The following VOPP1 variants were observed in gnomAD, a reference collection of about 807,000 sequenced individuals.
The protein encoded by VOPP1 is VOPP1 WW domain binding protein.
Under a neutral mutation model 23.5 loss-of-function variants are expected in VOPP1, and 8 were observed. That is an observed-to-expected ratio of 0.34 (90% confidence interval 0.20 to 0.61). The LOEUF (loss-of-function observed/expected upper bound fraction) is 0.61. VOPP1 is among the 20% of genes least tolerant of loss of function. The pLI, the probability that VOPP1 is intolerant of heterozygous loss-of-function variation, is 0.78. For missense variants in VOPP1, 174 were observed against 238.1 expected, an observed-to-expected ratio of 0.73 and a Z score of 1.77; for synonymous variants, 83 against 97.3, an observed-to-expected ratio of 0.85 and a Z score of 0.86.
intron 2 of VOPP1, among the ~76,000 whole-genome samples, chr7:55,504,753 A>C (rs1794600395): frequency 1.3e-5 from 2 of 152,330 alleles, no homozygotes; most frequent in Middle Eastern, 3.4e-3. Flanking sequence ...TATTTTCCCA[A>C]GCCTTCTCTT....
At chr7:55,502,162 G>A (rs1318208390) in intron 2 of VOPP1, among the ~76,000 whole-genome samples, 3 of 152,342 alleles carry the variant, frequency 2.0e-5, no homozygotes, top group South Asian at 2.1e-4. Flanking sequence ...TTCCCATGCT[G>A]GAGAGAGCAG....
At chr7:55,531,860 C>G (rs1260776692) in intron 1 of VOPP1, among the ~76,000 whole-genome samples, 1 of 152,198 alleles carries the variant, frequency 6.6e-6, no homozygotes, top group Non-Finnish European at 1.5e-5. Flanking sequence ...AAAGACTACT[C>G]TCCTCCAGTT....
intron 1 of VOPP1, among the ~76,000 whole-genome samples, chr7:55,547,834 C>T (rs1348450492): frequency 6.6e-6 from 1 of 152,218 alleles, no homozygotes; most frequent in African/African-American, 2.4e-5. Context: ...TACCACACTT[C>T]CCATCACTCC....
At chr7:55,568,253 G>C (rs1798229431) in intron 1 of VOPP1, among the ~76,000 whole-genome samples, 1 of 151,944 alleles carries the variant, frequency 6.6e-6, no homozygotes, top group South Asian at 2.1e-4. Flanking sequence ...CTAATTTTTT[G>C]TATTTTTAGT....
At chr7:55,542,277 T>C (rs1248664169) in intron 1 of VOPP1, among the ~76,000 whole-genome samples, 1 of 152,194 alleles carries the variant, frequency 6.6e-6, no homozygotes, top group Non-Finnish European at 1.5e-5. Context: ...ATTCCAAATT[T>C]TCTCTTCCAG....
rs928507299 is a variant in VOPP1 at position 55,471,806 on chromosome 7, C to G, written c.*1049G>C. 5.3e-5 allele frequency: 8 copies of G among 151,832 alleles called. No homozygotes were observed. The highest frequency in any genetic ancestry group is 1.9e-4 in the African/African-American group (8 of 41,300). 9.4% of individuals were successfully genotyped at this position (151,832 alleles called of 1,614,324 possible). On this transcript the variant is annotated 3_prime_UTR_variant, in exon 5 of 5. Transcript: ENST00000285279. ...CAAGCTCCTCCTCCTTGGAGCCCAG[C>G]ACACACCCGCTTAGACCCAACACAA...
At chr7:55,442,147 TCAGACA>T (rs1236025039) in intron 4 of VOPP1, among the ~76,000 whole-genome samples, 13 of 152,200 alleles carry the variant, frequency 8.5e-5, no homozygotes, top group Admixed American at 6.5e-4. Context: ...CATAGGCTTC[TCAGACA>T]CAGTTTATGA....
rs150990833 is a variant in VOPP1 at position 55,569,647 on chromosome 7, A to G, written c.54+2624T>C. ...ATTAATGAGATAACGTGTAACATTTATAGAACAGTGCCTGGCAGTTACCCT... is the reference window on the plus strand; with the variant it reads ...ATTAATGAGATAACGTGTAACATTTGTAGAACAGTGCCTGGCAGTTACCCT... On this transcript the variant is annotated intron_variant, in intron 1 of 4. Coordinates refer to ENST00000285279, the MANE Select transcript of VOPP1 (RefSeq NM_030796.5). 5.0e-4 allele frequency among the ~76,000 whole-genome samples: 76 copies of G among 152,372 alleles called. No homozygotes were observed. The East Asian group carries it at 0.014, about 27-fold the overall frequency.
At chr7:55,513,481 C>A (rs1475397237) in intron 2 of VOPP1, among the ~76,000 whole-genome samples, 2 of 152,170 alleles carry the variant, frequency 1.3e-5, no homozygotes, top group Admixed American at 6.5e-5. Context: ...AGCTTCCCCA[C>A]ATTCTTTCCT....
intron 4 of VOPP1, among the ~76,000 whole-genome samples, chr7:55,444,137 CTTTAT>C (rs1791038661): frequency 6.6e-6 from 1 of 152,050 alleles, no homozygotes; most frequent in South Asian, 2.1e-4. Context: ...GCCGTAACTT[CTTTAT>C]TTTATAATTT....
Position 55,492,137 on chromosome 7 carries a change from T to C in VOPP1, c.328+145A>G, listed in dbSNP as rs567037313. The C allele has an allele frequency of 5.8e-5, 68 of 1,180,646 alleles. No individual in the cohort carries two copies. In the African/African-American group the frequency reaches 9.3e-4, roughly 16 times the overall value. 73.1% of individuals were successfully genotyped at this position (1,180,646 alleles called of 1,614,324 possible). On this transcript the variant is annotated intron_variant, in intron 4 of 4. Transcript: ENST00000285279. ...ATTTGTTATCTGCACAAATGCACAATGGAGCTGGTCATCAGAACTAAAAAA... is the reference window on the plus strand; with the variant it reads ...ATTTGTTATCTGCACAAATGCACAACGGAGCTGGTCATCAGAACTAAAAAA...
At chr7:55,473,691 G>A (rs1340820206) in intron 4 of VOPP1, among the ~76,000 whole-genome samples, 1 of 152,218 alleles carries the variant, frequency 6.6e-6, no homozygotes, top group Non-Finnish European at 1.5e-5. Context: ...TCACTCTGAG[G>A]TGCTGTTTTC....
At chr7:55,510,556 T>C (rs1176610873) in intron 2 of VOPP1, among the ~76,000 whole-genome samples, 1 of 151,048 alleles carries the variant, frequency 6.6e-6, no homozygotes, top group African/African-American at 2.4e-5. Context: ...CCAGACTTTA[T>C]ATAAGGGCAC....
At chr7:55,505,576 A>G (rs182089196) in intron 2 of VOPP1, among the ~76,000 whole-genome samples, 1,642 of 149,738 alleles carry the variant, frequency 0.011, 11 homozygotes, top group Middle Eastern at 0.02. Context: ...GGGCACGTGC[A>G]TTTTATGGTA....
At chr7:55,532,398 T>G (rs796564480) in intron 1 of VOPP1, among the ~76,000 whole-genome samples, 15 of 152,256 alleles carry the variant, frequency 9.9e-5, no homozygotes, top group African/African-American at 3.4e-4. Flanking sequence ...GCGAACCACC[T>G]GGCGCATGCC....
intron 1 of VOPP1, among the ~76,000 whole-genome samples, chr7:55,564,243 G>GTCTCTGTCTCTGTCTCTCTCTC (rs1554302403): frequency 2.4e-5 from 3 of 125,894 alleles, no homozygotes; most frequent in East Asian, 2.3e-4. Flanking sequence ...CTCTGTCTCT[G>GTCTCTGTCTCTGTCTCTCTCTC]TCTCTCTCTC....
At chr7:55,477,527 C>T (rs1792357093) in intron 4 of VOPP1, among the ~76,000 whole-genome samples, 1 of 152,188 alleles carries the variant, frequency 6.6e-6, no homozygotes, top group South Asian at 2.1e-4. Flanking sequence ...ATCCCAACCC[C>T]CTGCTGCAGG....
At chr7:55,496,851 C>CT in intron 3 of VOPP1, among the ~76,000 whole-genome samples, 2 of 152,344 alleles carry the variant, frequency 1.3e-5, no homozygotes, top group South Asian at 4.1e-4. Context: ...AAACTCTAAA[C>CT]TTTTTTGAAG....
chr7:55,545,392 G>A (rs1239583589), intron 1 of VOPP1, among the ~76,000 whole-genome samples: 1 of 152,132 alleles, frequency 6.6e-6, no homozygotes, highest in Non-Finnish European at 1.5e-5. Flanking sequence ...TCCCCTGGGA[G>A]GCCTGTCTTG....
Sources: gnomAD v4.1 joint callset for allele counts (sites outside exome capture counted in the v4.1 genomes callset) on GRCh38, gnomAD v4.1.1 for gene constraint, MANE v1.5 for transcripts, NCBI Gene and HGNC (gene_info 2026-07-23, HGNC 2026-07-21) for gene names.